Variants in CPAP observed in about 807,000 individuals in gnomAD.
CPAP encodes the protein centrosome assembly and centriole elongation protein, also known as centrosomal P4.1-associated protein.
At chr13:24,885,292 C>G in the CPAP span, 8 of 1,606,586 alleles carry the variant, frequency 5.0e-6, no homozygotes, top group Admixed American at 1.7e-5. Flanking sequence ...ATCAGGATGA[C>G]TGATTTCTCC....
the CPAP span, chr13:24,905,881 C>T: frequency 6.2e-7 from 1 of 1,614,186 alleles, no homozygotes; most frequent in East Asian, 2.2e-5. Flanking sequence ...TCTCTCTATC[C>T]TCAGTCGATG....
the CPAP span, among the ~76,000 whole-genome samples, chr13:24,923,292 T>C: frequency 1.3e-5 from 2 of 151,028 alleles, no homozygotes; most frequent in African/African-American, 4.9e-5. Flanking sequence ...GTTTTTTTGG[T>C]TTGGTTTGGT....
chr13:24,897,756 G>C, the CPAP span, among the ~76,000 whole-genome samples: 1 of 152,096 alleles, frequency 6.6e-6, no homozygotes, highest in Non-Finnish European at 1.5e-5. Context: ...GATAACACTG[G>C]CTGCCTCGAG....
the CPAP span, chr13:24,884,226 G>A: frequency 6.2e-7 from 1 of 1,614,144 alleles, no homozygotes; most frequent in Non-Finnish European, 8.5e-7. Context: ...AGTGGTCTGG[G>A]CAGCTGCATA....
the CPAP span, chr13:24,905,246 G>T: frequency 1.8e-6 from 2 of 1,133,254 alleles, no homozygotes; most frequent in South Asian, 1.3e-5. Flanking sequence ...TAATTCTATT[G>T]AGCAATAAGG....
chr13:24,900,849 G>C, the CPAP span, among the ~76,000 whole-genome samples: 1 of 152,220 alleles, frequency 6.6e-6, no homozygotes, highest in Non-Finnish European at 1.5e-5. Flanking sequence ...GAGAGAGCAA[G>C]AGAAGACTCA....
the CPAP span, chr13:24,885,168 TAA>T: frequency 1.3e-6 from 1 of 747,200 alleles, no homozygotes; most frequent in Non-Finnish European, 2.3e-6. Context: ...AAATGGCAAC[TAA>T]AGGCATCTTG....
the CPAP span, among the ~76,000 whole-genome samples, chr13:24,925,618 G>C: frequency 3.3e-5 from 5 of 152,170 alleles, no homozygotes; most frequent in Non-Finnish European, 7.3e-5. Context: ...GAAAAAAAGT[G>C]GGGGAGGACA....
the CPAP span, chr13:24,907,990 C>T: frequency 7.1e-7 from 1 of 1,418,128 alleles, no homozygotes; most frequent in African/African-American, 1.4e-5. Context: ...TAAATAGTCA[C>T]ATTTCTCACT....
chr13:24,933,749 G>T, the CPAP span, among the ~76,000 whole-genome samples: 2 of 151,290 alleles, frequency 1.3e-5, no homozygotes, highest in Admixed American at 1.3e-4. Context: ...TTTTTAGATG[G>T]AGTCTCACTC....
chr13:24,901,743 G>C, the CPAP span, among the ~76,000 whole-genome samples: 1 of 152,232 alleles, frequency 6.6e-6, no homozygotes, highest in Non-Finnish European at 1.5e-5. Context: ...TGTAAGCCCA[G>C]AACTTTGGGA....
the CPAP span, chr13:24,910,207 A>G: frequency 1.1e-6 from 1 of 922,272 alleles, no homozygotes; most frequent in African/African-American, 1.6e-5. Flanking sequence ...TTTTCCCTTT[A>G]TTAGGAAATG....
At chr13:24,912,604 G>A in the CPAP span, 4 of 1,613,524 alleles carry the variant, frequency 2.5e-6, no homozygotes, top group Non-Finnish European at 3.4e-6. Flanking sequence ...TTTAAAAAGT[G>A]GGTCTTTATA....
At chr13:24,912,533 C>A in the CPAP span, 1 of 1,468,428 alleles carries the variant, frequency 6.8e-7, no homozygotes, top group Non-Finnish European at 9.5e-7. Flanking sequence ...ATTACATAAA[C>A]AGAAACCTGC....
At chr13:24,896,773 T>C in the CPAP span, among the ~76,000 whole-genome samples, 27 of 152,228 alleles carry the variant, frequency 1.8e-4, no homozygotes, top group Non-Finnish European at 2.9e-4. Flanking sequence ...TTTTTTCCCT[T>C]TGGATCTGGT....
At chr13:24,893,591 G>C in the CPAP span, among the ~76,000 whole-genome samples, 1 of 152,192 alleles carries the variant, frequency 6.6e-6, no homozygotes, top group Non-Finnish European at 1.5e-5. Flanking sequence ...TGTGGACTTT[G>C]GATTGGGTGA....
chr13:24,885,801 ATTTTTCT>A, the CPAP span: 1 of 705,498 alleles, frequency 1.4e-6, no homozygotes, highest in South Asian at 1.7e-5. Flanking sequence ...ATGTCTTAAT[ATTTTTCT>A]TTACTAATTT....
At chr13:24,910,020 T>C in the CPAP span, 1 of 1,614,042 alleles carries the variant, frequency 6.2e-7, no homozygotes, top group Non-Finnish European at 8.5e-7. Flanking sequence ...TGTGGCTCTC[T>C]CTCCAGTGGT....
At chr13:24,913,120 A>T in the CPAP span, 1 of 1,096,024 alleles carries the variant, frequency 9.1e-7, no homozygotes, top group Non-Finnish European at 1.4e-6. Context: ...AACAAAATGT[A>T]TTAGGTAAAG....
Sources: allele counts gnomAD v4.1 joint callset (sites outside exome capture counted in the v4.1 genomes callset), GRCh38; gene constraint gnomAD v4.1.1; transcripts MANE v1.5; gene names NCBI Gene and HGNC (gene_info 2026-07-23, HGNC 2026-07-21).